The following PAFAH2 variants were observed in gnomAD, a reference collection of about 807,000 sequenced individuals.
PAFAH2 encodes platelet activating factor acetylhydrolase 2.
In PAFAH2, 42 loss-of-function variants were observed where a neutral mutation model predicts 49.0. The ratio of observed to expected loss-of-function variants is 0.86; its 90% CI spans 0.67 to 1.11. The LOEUF is 1.11. PAFAH2 is among the 50% of genes least tolerant of loss of function. The probability of loss-of-function intolerance (pLI) is 0.00; values close to 1 mark genes in which losing one functional copy is unlikely to be tolerated. For missense variants in PAFAH2, 503 were observed against 501.8 expected, an observed-to-expected ratio of 1.00 and a Z score of -0.02; for synonymous variants, 184 against 181.3, an observed-to-expected ratio of 1.01 and a Z score of -0.12.
chr1:25,993,087 A>G (rs1210410740), intron 1 of PAFAH2, among the ~76,000 whole-genome samples: 2 of 152,194 alleles, frequency 1.3e-5, no homozygotes, highest in Non-Finnish European at 2.9e-5. Flanking sequence ...GAAGACATTA[A>G]GAATCCACAG....
In PAFAH2 at chr1:25,982,247, T is replaced by G. The variant is rs2049700660; in HGVS notation, c.666+117A>C. 4.0e-5 allele frequency: 29 copies of G among 731,742 alleles called. No individual in the cohort carries two copies. In the South Asian group the frequency reaches 4.7e-4, roughly 12 times the overall value. 45.3% of individuals were successfully genotyped at this position (731,742 alleles called of 1,614,324 possible). ...TAAAGTTGGCCTTTGATCTTCTTGATAGTTATATGAGCCAATCAATTCTCT... is the reference window on the plus strand; with the variant it reads ...TAAAGTTGGCCTTTGATCTTCTTGAGAGTTATATGAGCCAATCAATTCTCT... On this transcript the variant is annotated intron_variant, in intron 7 of 10. Transcript: ENST00000374282.
chr1:25,981,574 C>T (rs943873539), intron 7 of PAFAH2, among the ~76,000 whole-genome samples: 9 of 152,174 alleles, frequency 5.9e-5, no homozygotes, highest in African/African-American at 1.9e-4. Context: ...GGTGGTCAAT[C>T]ACCTGACCCA....
At chr1:25,981,345 G>A (rs183149294) in intron 7 of PAFAH2, among the ~76,000 whole-genome samples, 163 of 146,218 alleles carry the variant, frequency 1.1e-3, no homozygotes, top group African/African-American at 3.2e-3. Context: ...GAATACAGCC[G>A]GAATGACTTT....
intron 10 of PAFAH2, among the ~76,000 whole-genome samples, 171 bp downstream of exon 10, chr1:25,972,387 T>C (rs1251405292): frequency 6.6e-6 from 1 of 152,040 alleles, no homozygotes; most frequent in Non-Finnish European, 1.5e-5. Flanking sequence ...CGTGAGCCAC[T>C]GCACCTGGAC....
chr1:25,988,563 C>T (rs1018567924), intron 3 of PAFAH2, among the ~76,000 whole-genome samples: 3 of 151,848 alleles, frequency 2.0e-5, no homozygotes, highest in African/African-American at 4.8e-5. Flanking sequence ...GCCTGTATTC[C>T]CAGCACTTTG....
At chr1:25,962,946 G>A (rs942917046) in intron 10 of PAFAH2, among the ~76,000 whole-genome samples, 2 of 152,256 alleles carry the variant, frequency 1.3e-5, no homozygotes, top group South Asian at 2.1e-4. Flanking sequence ...TCAGTGAAGG[G>A]CAGGAGCAAG....
intron 1 of PAFAH2, among the ~76,000 whole-genome samples, chr1:25,995,573 G>A (rs982918571): frequency 1.3e-4 from 20 of 152,122 alleles, no homozygotes; most frequent in South Asian, 6.2e-4. Context: ...TGCAGCAGAC[G>A]CTTACTGAGT....
At chr1:25,991,289 CT>C (rs926106409) in intron 1 of PAFAH2, among the ~76,000 whole-genome samples, 5 of 149,168 alleles carry the variant, frequency 3.4e-5, no homozygotes, top group East Asian at 2.0e-4. Flanking sequence ...GAGGTAGGTA[CT>C]TTTTTTTTTG....
chr1:25,988,102 G>A (rs1263309793), intron 4 of PAFAH2, 129 bp downstream of exon 4: 15 of 636,270 alleles, frequency 2.4e-5, no homozygotes, highest in African/African-American at 1.9e-4. Flanking sequence ...GCTATGGGAC[G>A]AAGCAGATGG....
rs1435755160 is a variant in PAFAH2, at chr1:25,988,294, G to A, written c.278C>T (p.Pro93Leu). 1 of 1,611,140 alleles carries A rather than the reference G, an allele frequency of 6.2e-7. No individual in the cohort carries two copies. Among genetic ancestry groups the A allele is most frequent in the East Asian group, 2.2e-5 (1 of 44,590 alleles). The change falls in exon 4 of 11, where the codon CCC (proline) becomes CTC (leucine). Residue 93 changes from proline to leucine, a missense_variant. Coordinates refer to ENST00000374282, the MANE Select transcript of PAFAH2 (RefSeq NM_000437.4). ...GTATCCAGAGTCCTTTGTCTTAAAG[G>A]GGCCATTCCAGCTAACAGGCAGGCG... ...SCRLPVSWNG[P>L]FKTKDSGYPL...
intron 7 of PAFAH2, among the ~76,000 whole-genome samples, chr1:25,977,566 G>T (rs988453725): frequency 6.7e-6 from 1 of 150,326 alleles, no homozygotes; most frequent in African/African-American, 2.5e-5. Flanking sequence ...GAGGTGAGAG[G>T]ATCGCTTGAG....
chr1:25,974,726 G>A lies in PAFAH2; in HGVS notation c.759-76C>T, dbSNP rs145158277. On this transcript the variant is annotated intron_variant, in intron 8 of 10. Transcript: ENST00000374282. Reference sequence around the variant, plus strand: ...TAGTTAGGGTGGTGGAGGGAAGGGCGGAGTTCCTCCCTCTGGTGGGGTAAA... The same window carrying A: ...TAGTTAGGGTGGTGGAGGGAAGGGCAGAGTTCCTCCCTCTGGTGGGGTAAA... The A allele has an allele frequency of 1.0e-3, 1,436 of 1,396,456 alleles. 9 individuals carry two copies. The highest frequency in any genetic ancestry group is 7.9e-3 in the South Asian group (577 of 73,450). 86.5% of individuals were successfully genotyped at this position (1,396,456 alleles called of 1,614,324 possible).
In PAFAH2 at chr1:25,961,842, C is replaced by T. The variant is rs2049342240; in HGVS notation, c.*147G>A. The T allele has an allele frequency of 1.7e-6, 1 of 583,350 alleles. No homozygotes were observed. Among genetic ancestry groups the T allele is most frequent in the Admixed American group, 2.7e-5 (1 of 36,980 alleles). The allele number at this position is 583,350 out of a possible 1,614,324, so 36.1% of individuals were successfully genotyped here. A position where few individuals can be genotyped will look rare whatever the true frequency, so the allele number is the denominator to read the frequency against. On this transcript the variant is annotated 3_prime_UTR_variant, in exon 11 of 11. Coordinates refer to ENST00000374282, the MANE Select transcript of PAFAH2 (RefSeq NM_000437.4). ...AGATCAAATCTAAGATCAAAGTACC[C>T]AGTTATCCAAGCAGCAGTGTGATTA...
At chr1:25,980,549 C>A (rs956318878) in intron 7 of PAFAH2, among the ~76,000 whole-genome samples, 18 of 150,370 alleles carry the variant, frequency 1.2e-4, no homozygotes, top group African/African-American at 4.4e-4. Context: ...CCTTGTGATC[C>A]ACCCACCTCA....
At chr1:25,994,005 G>A (rs942360120) in intron 1 of PAFAH2, among the ~76,000 whole-genome samples, 3 of 152,104 alleles carry the variant, frequency 2.0e-5, no homozygotes, top group African/African-American at 4.8e-5. Context: ...AGAAGAGAAA[G>A]TTGTGACCAG....
At chr1:25,971,483 A>T (rs2049508737) in intron 10 of PAFAH2, among the ~76,000 whole-genome samples, 1 of 152,214 alleles carries the variant, frequency 6.6e-6, no homozygotes, top group African/African-American at 2.4e-5. Flanking sequence ...GCAGAAATGG[A>T]ATAAACAGCT....
rs1255452924 is a variant in PAFAH2, at chr1:25,961,930, C to G, written c.*59G>C. On this transcript the variant is annotated 3_prime_UTR_variant, in exon 11 of 11. Transcript: ENST00000374282. ...TTCTTGATAGGAGCTCATGGGTGCCCTTGGGTAGCTCCCAAATGAAAACTT... is the reference window on the plus strand; with the variant it reads ...TTCTTGATAGGAGCTCATGGGTGCCGTTGGGTAGCTCCCAAATGAAAACTT... 1 of 1,332,728 alleles carries G rather than the reference C, an allele frequency of 7.5e-7. No individual in the cohort carries two copies. The highest frequency in any genetic ancestry group is 1.1e-6 in the Non-Finnish European group (1 of 927,946). 82.6% of individuals were successfully genotyped at this position (1,332,728 alleles called of 1,614,324 possible).
Position 25,961,440 on chromosome 1 carries a change from A to G in PAFAH2, c.*549T>C, listed in dbSNP as rs1330194075. The G allele has an allele frequency of 6.6e-6, 1 of 152,448 alleles. No individual in the cohort carries two copies. The highest frequency in any genetic ancestry group is 2.4e-5 in the African/African-American group (1 of 41,424). 9.4% of individuals were successfully genotyped at this position (152,448 alleles called of 1,614,324 possible). ...GTACTATGTTCCATACAATGAGAAG[A>G]CTTGGAAATAAATAGAAAATGTGAT... On this transcript the variant is annotated 3_prime_UTR_variant, in exon 11 of 11. Transcript: ENST00000374282.
At chr1:25,965,434 G>A (rs1014030307) in intron 10 of PAFAH2, among the ~76,000 whole-genome samples, 2 of 152,052 alleles carry the variant, frequency 1.3e-5, no homozygotes, top group Admixed American at 1.3e-4. Context: ...TACCACAAAA[G>A]AAACAATCAA....
Sources: allele counts gnomAD v4.1 joint callset (sites outside exome capture counted in the v4.1 genomes callset), GRCh38; gene constraint gnomAD v4.1.1; transcripts MANE v1.5; gene names NCBI Gene and HGNC (gene_info 2026-07-23, HGNC 2026-07-21).